Variants in POU3F3 observed in about 807,000 individuals in gnomAD.
POU3F3 encodes POU class 3 homeobox 3, also known as POU domain, class 3, transcription factor 3.
Under a neutral mutation model 8.6 loss-of-function variants are expected in POU3F3, and 1 was observed. The ratio of observed to expected loss-of-function variants is 0.12; its 90% CI spans 0.04 to 0.55. The LOEUF is 0.55. Ranked by LOEUF, POU3F3 falls within the 20% of genes least tolerant of loss-of-function variation. POU3F3 has a pLI of 0.91. For missense variants in POU3F3, 577 were observed against 690.7 expected, an observed-to-expected ratio of 0.84 and a Z score of 1.84; for synonymous variants, 418 against 327.4, an observed-to-expected ratio of 1.28 and a Z score of -2.99.
the POU3F3 span, among the ~76,000 whole-genome samples, chr2:104,883,018 G>A: frequency 6.6e-6 from 1 of 152,190 alleles, no homozygotes; most frequent in Non-Finnish European, 1.5e-5. Context: ...CACCTAGGTA[G>A]GTCCTAGGAG....
the POU3F3 span, among the ~76,000 whole-genome samples, chr2:104,913,819 C>T: frequency 6.6e-6 from 1 of 152,094 alleles, no homozygotes; most frequent in Non-Finnish European, 1.5e-5. Context: ...GGATGAATAG[C>T]TCTGTGTATA....
the POU3F3 span, among the ~76,000 whole-genome samples, chr2:104,902,930 G>A: frequency 3.3e-5 from 5 of 152,104 alleles, no homozygotes; most frequent in South Asian, 4.1e-4. Context: ...CCCTGACATC[G>A]CGCTTAGTTC....
the POU3F3 span, among the ~76,000 whole-genome samples, chr2:104,926,217 C>A: frequency 2.0e-5 from 3 of 152,128 alleles, no homozygotes; most frequent in South Asian, 4.2e-4. Context: ...TGACAAAGGG[C>A]TAATATCCAG....
the POU3F3 span, among the ~76,000 whole-genome samples, chr2:104,876,019 C>T: frequency 6.6e-6 from 1 of 152,146 alleles, no homozygotes; most frequent in Non-Finnish European, 1.5e-5. Flanking sequence ...TGCCCAGCCT[C>T]TTTTAACTTT....
the POU3F3 span, among the ~76,000 whole-genome samples, chr2:104,873,694 G>A: frequency 1.3e-5 from 2 of 152,202 alleles, no homozygotes; most frequent in Non-Finnish European, 2.9e-5. Context: ...ATGGGCGGAG[G>A]AGATCCTCTC....
At chr2:104,872,547 C>T in the POU3F3 span, 1 of 321,270 alleles carries the variant, frequency 3.1e-6, no homozygotes, top group Non-Finnish European at 6.1e-6. The surrounding 1 kb of genome is among the most constrained non-coding windows in gnomAD (Gnocchi z 4.6). Flanking sequence ...CCCCCGCCCT[C>T]CCGGTCCCCG....
At chr2:104,904,276 C>A in the POU3F3 span, among the ~76,000 whole-genome samples, 2 of 152,170 alleles carry the variant, frequency 1.3e-5, no homozygotes, top group African/African-American at 2.4e-5. Flanking sequence ...ACCATTAAAA[C>A]CCTCTTAGGT....
chr2:104,855,544 G>A lies in POU3F3; in HGVS notation c.34G>A (p.Gly12Arg). ...GGCGGCTTCTAACCCCTACCTGCCG[G>A]GGAACAGCCTGCTCGCGGCCGGCTC... ...ATAASNPYLP[G>R]NSLLAAGSIV... Residue 12 changes from glycine (G) to arginine (R), a missense_variant, in exon 1 of 1, where the codon GGG becomes AGG. Gly to Arg is a moderately radical substitution (Grantham distance 125). This residue lies in a region of POU3F3 where 484 missense variants were observed against 422.6 expected (regional missense o/e 1.15). Transcript: ENST00000361360. 1 of 1,046,956 alleles carries A rather than the reference G, an allele frequency of 9.6e-7. No homozygotes were observed. The highest frequency in any genetic ancestry group is 1.2e-6 in the Non-Finnish European group (1 of 865,088). 64.9% of individuals were successfully genotyped at this position (1,046,956 alleles called of 1,614,324 possible). A position where few individuals can be genotyped will look rare whatever the true frequency, so the allele number is the denominator to read the frequency against.
the POU3F3 span, among the ~76,000 whole-genome samples, chr2:104,874,077 GGA>G: frequency 1.9e-3 from 287 of 152,352 alleles, 1 homozygote; most frequent in African/African-American, 6.7e-3. Context: ...GGCTTTTAGA[GGA>G]GAGAGAGGGA....
downstream of POU3F3, among the ~76,000 whole-genome samples, chr2:104,861,258 G>A (rs1305341217): frequency 6.6e-6 from 1 of 152,180 alleles, no homozygotes; most frequent in African/African-American, 2.4e-5. Flanking sequence ...ATTGAAGGAA[G>A]AAACATTCTC....
the POU3F3 span, among the ~76,000 whole-genome samples, chr2:104,870,237 G>A: frequency 6.6e-6 from 1 of 152,230 alleles, no homozygotes; most frequent in African/African-American, 2.4e-5. Flanking sequence ...CTTCCCTGCT[G>A]TATTTCTTGG....
At chr2:104,897,805 A>C in the POU3F3 span, among the ~76,000 whole-genome samples, 8 of 152,236 alleles carry the variant, frequency 5.3e-5, no homozygotes, top group Non-Finnish European at 1.0e-4. Context: ...ATATTTGGAA[A>C]TGCTGGGTGG....
Position 104,855,597 on chromosome 2 carries a change from T to A in POU3F3, c.87T>A (p.Ala29=), listed in dbSNP as rs186512421. ...TTGTGCACTCGGACGCGGCAGGGGC[T>A]GGCGGCGGCGGGGGTGGCGGCGGCG... ...GSIVHSDAAG[A]GGGGGGGGGG... Residue 29 remains alanine (A), a synonymous_variant, in exon 1 of 1, where the codon GCT becomes GCA. Coordinates refer to ENST00000361360, the MANE Select transcript of POU3F3 (RefSeq NM_006236.3). The A allele has an allele frequency of 1.0e-6, 1 of 963,484 alleles. No homozygotes were observed. The highest frequency in any genetic ancestry group is 1.2e-6 in the Non-Finnish European group (1 of 822,642). The allele number at this position is 963,484 out of a possible 1,614,324, so 59.7% of individuals were successfully genotyped here.
chr2:104,920,305 G>T, the POU3F3 span, among the ~76,000 whole-genome samples: 1 of 152,274 alleles, frequency 6.6e-6, no homozygotes, highest in South Asian at 2.1e-4. Flanking sequence ...GTGAGCCACC[G>T]TGCCCAGCCA....
the POU3F3 span, among the ~76,000 whole-genome samples, chr2:104,893,725 T>G: frequency 6.6e-6 from 1 of 151,498 alleles, no homozygotes. Context: ...CTACTAAAAA[T>G]GCAAAAAATG....
At chr2:104,907,620 T>C in the POU3F3 span, among the ~76,000 whole-genome samples, 33 of 152,316 alleles carry the variant, frequency 2.2e-4, no homozygotes, top group African/African-American at 7.7e-4. Flanking sequence ...TTATTATTAT[T>C]TTTTGAAGTA....
At chr2:104,890,039 C>A in the POU3F3 span, among the ~76,000 whole-genome samples, 1 of 152,160 alleles carries the variant, frequency 6.6e-6, no homozygotes, top group Non-Finnish European at 1.5e-5. Context: ...CAGCTCGCGA[C>A]CTCAAGGTTT....
chr2:104,923,743 A>G, the POU3F3 span, among the ~76,000 whole-genome samples: 1 of 152,242 alleles, frequency 6.6e-6, no homozygotes, highest in Non-Finnish European at 1.5e-5. Context: ...GATTGGGAGA[A>G]TCTATTTTTT....
rs1156317617 is a variant in POU3F3 at position 104,856,092 on chromosome 2, A to T, written c.582A>T (p.Ala194=). 31 of 1,033,082 alleles carry T rather than the reference A, an allele frequency of 3.0e-5. No homozygotes were observed. Among genetic ancestry groups the T allele is most frequent in the Admixed American group, 6.0e-5 (1 of 16,706 alleles). The allele number at this position is 1,033,082 out of a possible 1,614,324, so 64.0% of individuals were successfully genotyped here. A position where few individuals can be genotyped will look rare whatever the true frequency, so the allele number is the denominator to read the frequency against. ...GCTGGGGGGCGGCCGCCGCTGCCGC[A>T]GCCGCAGCCGCCGCCGCCGCCGCCG... is the stretch of plus-strand genomic sequence containing the variant. ...PGGWGAAAAA[A]AAAAAAAAAA... The change falls in exon 1 of 1, where the codon GCA becomes GCT. Residue 194 remains alanine, a synonymous_variant. Coordinates refer to ENST00000361360, the MANE Select transcript of POU3F3 (RefSeq NM_006236.3).
Sources: gnomAD v4.1 joint callset for allele counts (sites outside exome capture counted in the v4.1 genomes callset) on GRCh38, gnomAD v4.1.1 for gene constraint, gnomAD v4.1.1 regional missense constraint, Gnocchi (gnomAD v3.1) non-coding constraint, MANE v1.5 for transcripts, NCBI Gene and HGNC (gene_info 2026-07-23, HGNC 2026-07-21) for gene names.